GRB14: variants seen among roughly 807,000 people sequenced by gnomAD.
GRB14 encodes the protein growth factor receptor-bound protein 14.
GRB14 carries 38 observed loss-of-function variants against 69.1 expected under a neutral mutation model. The ratio of observed to expected loss-of-function variants is 0.55; its 90% CI spans 0.42 to 0.72. The LOEUF is 0.72. Among genes scored for constraint, GRB14 ranks in the 30% least tolerant of loss-of-function variants. GRB14 has a pLI of 0.00. For synonymous variants in GRB14, 247 were observed against 241.3 expected (o/e 1.02, Z -0.22); for missense variants, 666 against 666.1 (o/e 1.00, Z 0.00).
chr2:164,597,215 C>T (rs758306586), intron 2 of GRB14, among the ~76,000 whole-genome samples: 22 of 152,172 alleles, frequency 1.4e-4, no homozygotes, highest in Non-Finnish European at 2.5e-4. Flanking sequence ...ACCTCACATA[C>T]ACTTACCATA....
At chr2:164,576,290 A>G (rs1689249090) in intron 2 of GRB14, among the ~76,000 whole-genome samples, 1 of 152,014 alleles carries the variant, frequency 6.6e-6, no homozygotes, top group African/African-American at 2.4e-5. Flanking sequence ...AAGAGAATTA[A>G]AAAGTAGGTA....
At chr2:164,536,911 T>C (rs562308555) in intron 3 of GRB14, among the ~76,000 whole-genome samples, 2 of 152,216 alleles carry the variant, frequency 1.3e-5, no homozygotes, top group Non-Finnish European at 2.9e-5. Context: ...AGGACACAAT[T>C]CATCACTAAC....
At chr2:164,542,823 G>A (rs1688273596) in intron 3 of GRB14, among the ~76,000 whole-genome samples, 3 of 152,208 alleles carry the variant, frequency 2.0e-5, no homozygotes. Context: ...ACTGTGGAAA[G>A]TAGTTTGGAG....
chr2:164,544,037 A>G (rs1013959083), intron 3 of GRB14, among the ~76,000 whole-genome samples: 3 of 152,202 alleles, frequency 2.0e-5, no homozygotes, highest in East Asian at 1.9e-4. Flanking sequence ...CCAAAGGAAA[A>G]CAAAAACACA....
At chr2:164,605,680 G>T (rs1690025224) in intron 2 of GRB14, among the ~76,000 whole-genome samples, 1 of 152,220 alleles carries the variant, frequency 6.6e-6, no homozygotes, top group Admixed American at 6.5e-5. Flanking sequence ...TCAAAAGTAG[G>T]TCTTCAGGAA....
At chr2:164,575,167 T>C (rs1689222918) in intron 2 of GRB14, among the ~76,000 whole-genome samples, 1 of 152,156 alleles carries the variant, frequency 6.6e-6, no homozygotes, top group Non-Finnish European at 1.5e-5. Flanking sequence ...GATGCAGTAA[T>C]GTGCATGAAA....
At position 164,508,446 on chromosome 2, in the gene GRB14, C is replaced by A. The variant is rs572166040; in HGVS notation, c.1023+9G>T. The stretch of plus-strand genomic sequence containing the variant: ...AGTTAATAGAAATTCATGCCTCCGG[C>A]GAGATTACCTTAAGCAATCTAATCG... On this transcript the variant is annotated intron_variant, in intron 8 of 13. Coordinates refer to ENST00000263915, the MANE Select transcript of GRB14 (RefSeq NM_004490.3). 7 of 1,607,040 alleles carry A rather than the reference C, an allele frequency of 4.4e-6. No homozygotes were observed. Among genetic ancestry groups the A allele is most frequent in the Non-Finnish European group, 6.0e-6 (7 of 1,173,834 alleles).
intron 12 of GRB14, among the ~76,000 whole-genome samples, chr2:164,495,142 A>T (rs1160476866): frequency 6.6e-6 from 1 of 151,978 alleles, no homozygotes; most frequent in African/African-American, 2.4e-5. Context: ...GGGTTTCACC[A>T]TATTGGCTGG....
intron 8 of GRB14, 102 bp downstream of exon 8, chr2:164,508,353 T>C (rs2105266294): frequency 2.4e-6 from 2 of 841,558 alleles, no homozygotes; most frequent in East Asian, 2.5e-5. Context: ...TTCTTTCTCA[T>C]GTAGCCACCC....
intron 3 of GRB14, among the ~76,000 whole-genome samples, chr2:164,541,476 AAAATAATAATAAT>A (rs974895159): frequency 4.6e-4 from 70 of 151,834 alleles, no homozygotes; most frequent in African/African-American, 1.7e-3. Flanking sequence ...CCGTCTCCAA[AAAATAATAATAAT>A]AAATAATAAT....
chr2:164,601,253 G>A (rs536581510), intron 2 of GRB14, among the ~76,000 whole-genome samples: 158 of 151,700 alleles, frequency 1.0e-3, no homozygotes, highest in Non-Finnish European at 1.9e-3. Context: ...TAATAATAAC[G>A]ACAATGATTT....
At chr2:164,583,916 C>T (rs571589043) in intron 2 of GRB14, among the ~76,000 whole-genome samples, 6 of 151,644 alleles carry the variant, frequency 4.0e-5, no homozygotes, top group Middle Eastern at 6.4e-3. Flanking sequence ...CTTCTTGACA[C>T]AATTAGGTGA....
chr2:164,519,764 G>A (rs1687589795), intron 6 of GRB14, among the ~76,000 whole-genome samples: 1 of 151,522 alleles, frequency 6.6e-6, no homozygotes, highest in African/African-American at 2.4e-5. Flanking sequence ...TGCAAAAGCT[G>A]TAAAAAAAAT....
intron 2 of GRB14, among the ~76,000 whole-genome samples, chr2:164,590,746 A>G (rs1297674398): frequency 6.6e-6 from 1 of 152,174 alleles, no homozygotes; most frequent in Non-Finnish European, 1.5e-5. Context: ...AAGTGGTTTC[A>G]CCTTTTTAAA....
At chr2:164,561,041 G>A (rs1038793533) in intron 2 of GRB14, among the ~76,000 whole-genome samples, 1 of 152,070 alleles carries the variant, frequency 6.6e-6, no homozygotes, top group Non-Finnish European at 1.5e-5. Context: ...ACAGCCATGA[G>A]AGCCAGCCCT....
chr2:164,582,042 A>T (rs373475375), intron 2 of GRB14, among the ~76,000 whole-genome samples: 1 of 152,196 alleles, frequency 6.6e-6, no homozygotes, highest in South Asian at 2.1e-4. Flanking sequence ...TTAACAATTT[A>T]TAGAAAGATG....
chr2:164,529,354 C>A (rs540070628), intron 3 of GRB14, among the ~76,000 whole-genome samples: 43 of 152,208 alleles, frequency 2.8e-4, no homozygotes, highest in African/African-American at 1.0e-3. Context: ...GATGGTTGCA[C>A]AACAATGTGA....
At chr2:164,497,140 C>T in intron 11 of GRB14, 45 bp from the exon 12 acceptor site, 1 of 1,598,938 alleles carries the variant, frequency 6.3e-7, no homozygotes, top group East Asian at 2.2e-5. Flanking sequence ...TTTGAGATGA[C>T]TGCAATTTCA....
rs1440461518 is a variant in GRB14 at position 164,571,996 on chromosome 2, T to C, written c.325-24180A>G. On this transcript the variant is annotated intron_variant, in intron 2 of 13. Transcript: ENST00000263915. Reference sequence around the variant, plus strand: ...ATTAACCTGCTTTATAAATATGTATTGAAGACCTTACTATGTGTAAAGTGC... The same window carrying C: ...ATTAACCTGCTTTATAAATATGTATCGAAGACCTTACTATGTGTAAAGTGC... 3.9e-5 allele frequency among the ~76,000 whole-genome samples: 6 copies of C among 152,336 alleles called. No individual in the cohort carries two copies. In the East Asian group the frequency reaches 1.2e-3, roughly 29 times the overall value.
Sources: gnomAD v4.1 joint callset for allele counts (sites outside exome capture counted in the v4.1 genomes callset) on GRCh38, gnomAD v4.1.1 for gene constraint, MANE v1.5 for transcripts, NCBI Gene and HGNC (gene_info 2026-07-23, HGNC 2026-07-21) for gene names.